The following TSPEAR variants were observed in gnomAD, a reference collection of about 807,000 sequenced individuals.
TSPEAR encodes thrombospondin-type laminin G domain and EAR repeat-containing protein.
Under a neutral mutation model 71.6 loss-of-function variants are expected in TSPEAR, and 69 were observed. The ratio of observed to expected loss-of-function variants is 0.96; its 90% CI spans 0.79 to 1.18. The LOEUF (loss-of-function observed/expected upper bound fraction) is 1.18, where lower values mean the gene tolerates loss of function less well. Among genes scored for constraint, TSPEAR ranks in the 50% most tolerant of loss-of-function variants. The pLI, the probability that TSPEAR is intolerant of heterozygous loss-of-function variation, is 0.00. For synonymous variants in TSPEAR, 402 were observed against 387.2 expected (o/e 1.04, Z -0.45); for missense variants, 971 against 894.9 (o/e 1.09, Z -1.09).
intron 1 of TSPEAR, among the ~76,000 whole-genome samples, chr21:44,621,004 T>C (rs1318595907): frequency 1.3e-5 from 2 of 152,214 alleles, no homozygotes; most frequent in Non-Finnish European, 2.9e-5. Context: ...TTTCCTTCCA[T>C]TGTAATCAGA....
chr21:44,513,829 C>T (rs951155079), intron 9 of TSPEAR, among the ~76,000 whole-genome samples: 1 of 152,138 alleles, frequency 6.6e-6, no homozygotes, highest in Non-Finnish European at 1.5e-5. Flanking sequence ...GAAGGCAGTT[C>T]CCCAACAAGC....
At chr21:44,503,524 G>A in intron 11 of TSPEAR, among the ~76,000 whole-genome samples, 1 of 136,018 alleles carries the variant, frequency 7.4e-6, no homozygotes, top group East Asian at 2.3e-4. Flanking sequence ...GAGCCCTTGG[G>A]GGGAAGCCGG....
Position 44,711,532 on chromosome 21 carries a change from A to G in TSPEAR, c.-18T>C, listed in dbSNP as rs782021691. On this transcript the variant is annotated 5_prime_UTR_variant, in exon 1 of 12. Coordinates refer to ENST00000323084, the MANE Select transcript of TSPEAR (RefSeq NM_144991.3). The surrounding 1 kb of genome is among the most constrained non-coding windows in gnomAD (Gnocchi z 4.5). ...GCAGACATGAGGGGCTTGGGTGCCAAGCTCCATCCAGGGCTCCGCTCAGCC... is the reference window on the plus strand; with the variant it reads ...GCAGACATGAGGGGCTTGGGTGCCAGGCTCCATCCAGGGCTCCGCTCAGCC... The G allele has an allele frequency of 1.2e-6, 2 of 1,605,718 alleles. No homozygotes were observed. Among genetic ancestry groups the G allele is most frequent in the South Asian group, 2.2e-5 (2 of 89,788 alleles).
At chr21:44,613,276 G>A (rs1355074660) in intron 1 of TSPEAR, among the ~76,000 whole-genome samples, 6 of 152,290 alleles carry the variant, frequency 3.9e-5, no homozygotes, top group Middle Eastern at 3.4e-3. Context: ...AGCCATGACC[G>A]TTTCTAGGAG....
chr21:44,527,564 A>G (rs1601366426), intron 6 of TSPEAR, 46 bp from the exon 7 acceptor site: 4 of 1,594,552 alleles, frequency 2.5e-6, no homozygotes, highest in Non-Finnish European at 2.6e-6. Flanking sequence ...CCGAGAACGG[A>G]AATCCAGAGC....
chr21:44,598,746 A>G (rs1555927917), intron 1 of TSPEAR, among the ~76,000 whole-genome samples: 1 of 152,188 alleles, frequency 6.6e-6, no homozygotes, highest in African/African-American at 2.4e-5. Flanking sequence ...GAGATTATAA[A>G]TATAATAATA....
chr21:44,524,435 T>C (rs1291179765), intron 8 of TSPEAR, among the ~76,000 whole-genome samples: 2 of 151,418 alleles, frequency 1.3e-5, no homozygotes, highest in Non-Finnish European at 2.9e-5. Flanking sequence ...AGTCAATCAA[T>C]GAGTCAGTTA....
At chr21:44,641,380 T>C (rs1984011483) in intron 1 of TSPEAR, among the ~76,000 whole-genome samples, 1 of 152,162 alleles carries the variant, frequency 6.6e-6, no homozygotes, top group Non-Finnish European at 1.5e-5. Context: ...AACTCAATGA[T>C]GGTCTGCATA....
chr21:44,677,666 G>T, intron 1 of TSPEAR: 2 of 1,352,722 alleles, frequency 1.5e-6, no homozygotes, highest in Non-Finnish European at 2.1e-6. Context: ...TATCACCTGC[G>T]GTTGCTGAAG....
At chr21:44,673,592 T>C (rs587610845) in intron 1 of TSPEAR, among the ~76,000 whole-genome samples, 1 of 152,204 alleles carries the variant, frequency 6.6e-6, no homozygotes, top group African/African-American at 2.4e-5. Context: ...GGATTTATAC[T>C]GAACTTTAAA....
At chr21:44,576,387 A>C (rs587762482) in intron 1 of TSPEAR, among the ~76,000 whole-genome samples, 2 of 140,252 alleles carry the variant, frequency 1.4e-5, no homozygotes, top group South Asian at 4.9e-4. Context: ...GGGTGAACAG[A>C]CACACGGACG....
intron 2 of TSPEAR, among the ~76,000 whole-genome samples, chr21:44,552,932 T>C (rs2053467937): frequency 6.6e-6 from 1 of 152,172 alleles, no homozygotes; most frequent in African/African-American, 2.4e-5. Flanking sequence ...CGCAGGGCAG[T>C]CAGCACTGGG....
At position 44,570,697 on chromosome 21, in the gene TSPEAR, G is replaced by A. The variant is rs587640296; in HGVS notation, c.83-2692C>T. 2.6e-5 allele frequency among the ~76,000 whole-genome samples: 4 copies of A among 152,304 alleles called. No homozygotes were observed. The East Asian group carries it at 7.7e-4, about 29-fold the overall frequency. The stretch of plus-strand genomic sequence containing the variant: ...ACCCACAGCAAGCAAAGGGAAGGAT[G>A]GGGCAGGAGTCCACGCAATTGAAAA... On this transcript the variant is annotated intron_variant, in intron 1 of 11. Coordinates refer to ENST00000323084, the MANE Select transcript of TSPEAR (RefSeq NM_144991.3).
chr21:44,684,234 A>G (rs1220209881), intron 1 of TSPEAR, among the ~76,000 whole-genome samples: 2 of 152,238 alleles, frequency 1.3e-5, no homozygotes, highest in African/African-American at 2.4e-5. Context: ...GAACGTGCTT[A>G]AAGACTGAGA....
intron 9 of TSPEAR, among the ~76,000 whole-genome samples, chr21:44,512,467 A>G (rs1199648899): frequency 6.6e-6 from 1 of 151,604 alleles, no homozygotes; most frequent in Non-Finnish European, 1.5e-5. Flanking sequence ...TTGGGAGACC[A>G]CTCAGAGAAC....
Position 44,506,233 on chromosome 21 carries a change from G to C in TSPEAR, c.1755-1352C>G, listed in dbSNP as rs2052197765. ...TGCTTGGGGATGGCTCGGTTTGAGG[G>C]GTCTGAGGAGCGGCTCCCCTGGATC... is the stretch of plus-strand genomic sequence containing the variant. On this transcript the variant is annotated intron_variant, in intron 10 of 11. Coordinates refer to ENST00000323084, the MANE Select transcript of TSPEAR (RefSeq NM_144991.3). This position sits in a 1 kb window ranked among gnomAD's most constrained non-coding sequence, Gnocchi z 4.2. 6.6e-6 allele frequency among the ~76,000 whole-genome samples: 1 copy of C among 152,194 alleles called. No homozygotes were observed. The highest frequency in any genetic ancestry group is 2.4e-5 in the African/African-American group (1 of 41,442).
intron 2 of TSPEAR, among the ~76,000 whole-genome samples, chr21:44,566,078 G>T (rs1247378436): frequency 6.6e-6 from 1 of 152,188 alleles, no homozygotes; most frequent in Non-Finnish European, 1.5e-5. Flanking sequence ...TACTCTGGAG[G>T]CTGAGGCGGG....
intron 1 of TSPEAR, among the ~76,000 whole-genome samples, chr21:44,584,658 C>A (rs1979225953): frequency 6.6e-6 from 1 of 152,190 alleles, no homozygotes; most frequent in African/African-American, 2.4e-5. Flanking sequence ...GCATCAGGGT[C>A]TCACCAGTCT....
Position 44,654,462 on chromosome 21 carries a change from C to CCCACACAGGGGCCGGCACAGCAGAG in TSPEAR, c.82+56946_82+56970dup, listed in dbSNP as rs782372970. On this transcript the variant is annotated intron_variant, in intron 1 of 11. Transcript: ENST00000323084. ...AGGCTGGCTGGCAGCAGGTGGATAC[C>CCCACACAGGGGCCGGCACAGCAGAG]CCACACAGGGGCCGGCACAGCAGAG... The CCCACACAGGGGCCGGCACAGCAGAG allele has an allele frequency of 1.1e-5, 17 of 1,613,848 alleles. No homozygotes were observed. The Admixed American group carries it at 2.8e-4, about 27-fold the overall frequency.
Sources: allele counts gnomAD v4.1 joint callset (sites outside exome capture counted in the v4.1 genomes callset), GRCh38; gene constraint gnomAD v4.1.1; non-coding constraint Gnocchi (gnomAD v3.1); transcripts MANE v1.5; gene names NCBI Gene and HGNC (gene_info 2026-07-23, HGNC 2026-07-21).